GRIN2A: variants seen among roughly 807,000 people sequenced by gnomAD.
The protein encoded by GRIN2A is glutamate ionotropic receptor NMDA type subunit 2A.
In GRIN2A, 22 loss-of-function variants were observed where a neutral mutation model predicts 113.4. That is an observed-to-expected ratio of 0.19 (90% CI 0.14 to 0.28). The LOEUF is 0.28. Ranked by LOEUF, GRIN2A falls within the 10% of genes least tolerant of loss-of-function variation. The probability of loss-of-function intolerance (pLI) is 1.00; values close to 1 mark genes in which losing one functional copy is unlikely to be tolerated. For synonymous variants in GRIN2A, 827 were observed against 738.4 expected (o/e 1.12, Z -1.94); for missense variants, 1,502 against 1,887.0 (o/e 0.80, Z 3.78).
chr16:10,063,249 T>C (rs1299971542), intron 2 of GRIN2A, among the ~76,000 whole-genome samples: 1 of 152,170 alleles, frequency 6.6e-6, no homozygotes, highest in Non-Finnish European at 1.5e-5. Context: ...GCTGAAAAAC[T>C]ACCTGTTGTG....
At chr16:10,106,300 T>A (rs2034367) in intron 2 of GRIN2A, among the ~76,000 whole-genome samples, 141,488 of 151,592 alleles carry the variant, frequency 0.93, 66,813 homozygotes, top group East Asian at 1. Flanking sequence ...AGTGGCTCAC[T>A]TCTGTAATCC....
At chr16:10,181,248 C>A (rs2050266325) in intron 1 of GRIN2A, among the ~76,000 whole-genome samples, 1 of 151,314 alleles carries the variant, frequency 6.6e-6, no homozygotes, top group African/African-American at 2.4e-5. Context: ...CCCTCTCTCA[C>A]GCGCGCCGTG....
At chr16:10,149,406 A>T (rs1385700146) in intron 2 of GRIN2A, among the ~76,000 whole-genome samples, 1 of 152,226 alleles carries the variant, frequency 6.6e-6, no homozygotes, top group African/African-American at 2.4e-5. Context: ...GAAATCTAGG[A>T]CTTTGCCCAG....
At chr16:9,883,872 G>C (rs1042244315) in intron 4 of GRIN2A, among the ~76,000 whole-genome samples, 1 of 152,158 alleles carries the variant, frequency 6.6e-6, no homozygotes, top group Admixed American at 6.5e-5. Context: ...GAGCGAGAAT[G>C]GGACATTTCC....
At chr16:10,051,493 T>C (rs932446379) in intron 2 of GRIN2A, among the ~76,000 whole-genome samples, 1 of 152,134 alleles carries the variant, frequency 6.6e-6, no homozygotes, top group South Asian at 2.1e-4. Flanking sequence ...TAATAAATAT[T>C]TGTTGAGTGA....
chr16:9,951,747 T>C (rs2045188827), intron 2 of GRIN2A, among the ~76,000 whole-genome samples: 1 of 152,206 alleles, frequency 6.6e-6, no homozygotes, highest in Admixed American at 6.5e-5. Flanking sequence ...AGTGTCCAAA[T>C]TACTATTTGA....
At chr16:10,109,346 A>G (rs201842608) in intron 2 of GRIN2A, among the ~76,000 whole-genome samples, 2 of 38,816 alleles carry the variant, frequency 5.2e-5, no homozygotes, top group Non-Finnish European at 2.1e-4. Flanking sequence ...ACATTTAAGG[A>G]AAAAAAAAAA....
In GRIN2A at chr16:9,811,603, T is replaced by G. The variant is rs147854470; in HGVS notation, c.2168+10661A>C. Among the ~76,000 whole-genome samples the G allele has an allele frequency of 1.1e-3, 164 of 152,132 alleles. 1 individual carries two copies. The highest frequency in any genetic ancestry group is 3.6e-3 in the African/African-American group (150 of 41,516). ...GGCAAAACCCTGTCTCTACTAAAAG[T>G]GCAAAAATTAGCCAGACATGGTGGT... On this transcript the variant is annotated intron_variant, in intron 10 of 12. Coordinates refer to ENST00000330684, the MANE Select transcript of GRIN2A (RefSeq NM_001134407.3).
At chr16:9,883,981 T>G (rs1200164401) in intron 4 of GRIN2A, among the ~76,000 whole-genome samples, 1 of 152,196 alleles carries the variant, frequency 6.6e-6, no homozygotes, top group East Asian at 1.9e-4. Context: ...TTGTTTTACT[T>G]TAATATTTAT....
intron 4 of GRIN2A, among the ~76,000 whole-genome samples, chr16:9,852,429 T>C (rs182949623): frequency 2.3e-4 from 35 of 152,268 alleles, no homozygotes; most frequent in African/African-American, 7.0e-4. Flanking sequence ...CCCCACACCA[T>C]GGGAGTCAGG....
chr16:10,126,659 C>T (rs1303842983), intron 2 of GRIN2A, among the ~76,000 whole-genome samples: 2 of 152,090 alleles, frequency 1.3e-5, no homozygotes, highest in African/African-American at 2.4e-5. Context: ...CCCTTTGGCA[C>T]GTATCACCAA....
In GRIN2A at chr16:9,909,474, T is replaced by C. The variant is rs146890657; in HGVS notation, c.1008-18374A>G. Among the ~76,000 whole-genome samples the C allele has an allele frequency of 9.4e-3, 1,429 of 152,344 alleles. 10 individuals are homozygous for C. Among genetic ancestry groups the C allele is most frequent in the Non-Finnish European group, 0.017 (1,141 of 68,030 alleles). ...GGCAGCCACTAGTCACCTGTTGCCA[T>C]TGAGCAACTGAAATGTGGATAGTGT... On this transcript the variant is annotated intron_variant, in intron 3 of 12. Coordinates refer to ENST00000330684, the MANE Select transcript of GRIN2A (RefSeq NM_001134407.3).
chr16:10,056,177 T>C (rs1463128), intron 2 of GRIN2A, among the ~76,000 whole-genome samples: 21,252 of 152,184 alleles, frequency 0.14, 2,082 homozygotes, highest in African/African-American at 0.27. Flanking sequence ...GATAAATACA[T>C]GTACCAGAAT....
chr16:9,934,081 A>C (rs2044657446), intron 3 of GRIN2A, among the ~76,000 whole-genome samples: 1 of 152,228 alleles, frequency 6.6e-6, no homozygotes, highest in African/African-American at 2.4e-5. Context: ...GAACTTCTAC[A>C]TTATCATTAA....
chr16:10,016,116 C>CAAAAA (rs140929988), intron 2 of GRIN2A, among the ~76,000 whole-genome samples: 2 of 66,304 alleles, frequency 3.0e-5, no homozygotes, highest in Non-Finnish European at 2.7e-5. Context: ...AACTCCATCT[C>CAAAAA]AAAAAAAAAA....
intron 2 of GRIN2A, among the ~76,000 whole-genome samples, chr16:10,151,812 A>AGCCC (rs2049582578): frequency 6.6e-6 from 1 of 152,302 alleles, no homozygotes; most frequent in South Asian, 2.1e-4. Context: ...TGGAATTACC[A>AGCCC]ACGTGTTATA....
chr16:9,951,497 T>C (rs188357385), intron 2 of GRIN2A, among the ~76,000 whole-genome samples: 1 of 152,228 alleles, frequency 6.6e-6, no homozygotes, highest in East Asian at 1.9e-4. Context: ...AGCTAATATC[T>C]GTTTGTTCTC....
chr16:9,940,829 C>A (rs1567189879), intron 2 of GRIN2A, among the ~76,000 whole-genome samples: 1 of 152,086 alleles, frequency 6.6e-6, no homozygotes, highest in Non-Finnish European at 1.5e-5. Flanking sequence ...TATAGAAGAC[C>A]TATAAACCTC....
At chr16:9,822,128 A>G (rs1178517871) in intron 10 of GRIN2A, 136 bp downstream of exon 10, 2 of 946,558 alleles carry the variant, frequency 2.1e-6, no homozygotes, top group Non-Finnish European at 1.7e-6. Flanking sequence ...ACTGCCCTCA[A>G]CTGGGGCCCA....
Sources: gnomAD v4.1 joint callset for allele counts (sites outside exome capture counted in the v4.1 genomes callset) on GRCh38, gnomAD v4.1.1 for gene constraint, MANE v1.5 for transcripts, NCBI Gene and HGNC (gene_info 2026-07-23, HGNC 2026-07-21) for gene names.